The following ARHGAP15 variants were observed in gnomAD, a reference collection of about 807,000 sequenced individuals.
The protein encoded by ARHGAP15 is Rho GTPase activating protein 15.
Under a neutral mutation model 63.7 loss-of-function variants are expected in ARHGAP15, and 51 were observed. The ratio of observed to expected loss-of-function variants is 0.80; its 90% confidence interval spans 0.64 to 1.01. The LOEUF is 1.01. Ranked by LOEUF, ARHGAP15 falls within the 50% of genes least tolerant of loss-of-function variation. The pLI, the probability that ARHGAP15 is intolerant of heterozygous loss-of-function variation, is 0.00. For missense variants in ARHGAP15, 560 were observed against 564.6 expected (o/e 0.99, Z 0.08); for synonymous variants, 191 against 193.8 (o/e 0.99, Z 0.12).
At chr2:143,328,087 G>A (rs1485643885) in intron 6 of ARHGAP15, among the ~76,000 whole-genome samples, 1 of 152,054 alleles carries the variant, frequency 6.6e-6, no homozygotes, top group African/African-American at 2.4e-5. Flanking sequence ...ATTAAGTCAG[G>A]AAACAACAGA....
intron 2 of ARHGAP15, among the ~76,000 whole-genome samples, chr2:143,182,576 G>T (rs765114475): frequency 2.6e-5 from 4 of 152,154 alleles, no homozygotes; most frequent in South Asian, 4.1e-4. Flanking sequence ...CATGAACTTT[G>T]TAGGGGCTTT....
intron 10 of ARHGAP15, among the ~76,000 whole-genome samples, chr2:143,544,980 A>G (rs1490391991): frequency 1.3e-5 from 2 of 152,212 alleles, no homozygotes; most frequent in African/African-American, 4.8e-5. Flanking sequence ...CATGGTTAGG[A>G]GCACCTTCTT....
intron 9 of ARHGAP15, among the ~76,000 whole-genome samples, chr2:143,501,333 A>G (rs2104934018): frequency 6.6e-6 from 1 of 152,352 alleles, no homozygotes; most frequent in South Asian, 2.1e-4. Context: ...TACAATGAGC[A>G]TGTTACAATG....
intron 11 of ARHGAP15, among the ~76,000 whole-genome samples, chr2:143,580,673 T>C (rs1187172694): frequency 2.6e-5 from 4 of 152,132 alleles, no homozygotes; most frequent in Non-Finnish European, 5.9e-5. Flanking sequence ...CTTAAAATAT[T>C]TAATATTTTA....
intron 5 of ARHGAP15, among the ~76,000 whole-genome samples, chr2:143,245,638 G>A (rs1310000330): frequency 8.6e-5 from 13 of 150,986 alleles, no homozygotes; most frequent in African/African-American, 3.2e-4. Context: ...TTTTTTAAAC[G>A]GGTAATGAAC....
intron 11 of ARHGAP15, among the ~76,000 whole-genome samples, chr2:143,560,874 G>A (rs1695992463): frequency 6.6e-6 from 1 of 152,214 alleles, no homozygotes; most frequent in Non-Finnish European, 1.5e-5. Flanking sequence ...GTGCGTTTGT[G>A]AGCAGCGCTC....
At chr2:143,245,515 A>G (rs1694015704) in intron 5 of ARHGAP15, among the ~76,000 whole-genome samples, 1 of 152,218 alleles carries the variant, frequency 6.6e-6, no homozygotes, top group East Asian at 1.9e-4. Flanking sequence ...GAGCAAACAG[A>G]GAACATGAAT....
At chr2:143,746,296 A>T (rs1245160480) in intron 13 of ARHGAP15, among the ~76,000 whole-genome samples, 2 of 152,070 alleles carry the variant, frequency 1.3e-5, no homozygotes, top group Non-Finnish European at 2.9e-5. Flanking sequence ...CCTTTTTCAA[A>T]AAAAAACCCT....
chr2:143,143,443 T>A (rs1558771939), intron 1 of ARHGAP15, among the ~76,000 whole-genome samples: 1 of 151,966 alleles, frequency 6.6e-6, no homozygotes, highest in Non-Finnish European at 1.5e-5. Flanking sequence ...AACTGGCAAA[T>A]ATTTTTTCAC....
At chr2:143,354,789 G>C (rs759121561) in intron 6 of ARHGAP15, among the ~76,000 whole-genome samples, 1 of 152,122 alleles carries the variant, frequency 6.6e-6, no homozygotes, top group Non-Finnish European at 1.5e-5. Flanking sequence ...TAATTTCAAA[G>C]ATTTTGCAGC....
intron 6 of ARHGAP15, among the ~76,000 whole-genome samples, chr2:143,404,351 T>C (rs1688109965): frequency 6.6e-6 from 1 of 151,936 alleles, no homozygotes; most frequent in Non-Finnish European, 1.5e-5. Flanking sequence ...GAAATTTGTA[T>C]TGAAGAAGTA....
At chr2:143,544,615 A>G (rs7571048) in intron 10 of ARHGAP15, among the ~76,000 whole-genome samples, 36,276 of 152,160 alleles carry the variant, frequency 0.24, 4,377 homozygotes, top group East Asian at 0.37. Context: ...TTATGGCTCT[A>G]TAACATCTGG....
chr2:143,423,196 G>A (rs1689001779), intron 6 of ARHGAP15, among the ~76,000 whole-genome samples: 1 of 152,094 alleles, frequency 6.6e-6, no homozygotes. Context: ...AGAAGGCAGT[G>A]GTATGTTGAC....
At chr2:143,642,128 ATATT>A (rs1050136834) in intron 12 of ARHGAP15, among the ~76,000 whole-genome samples, 14 of 152,268 alleles carry the variant, frequency 9.2e-5, no homozygotes, top group African/African-American at 2.2e-4. Flanking sequence ...ATGTTTGTAA[ATATT>A]TATATGTAGA....
At chr2:143,597,152 G>T (rs935127113) in intron 11 of ARHGAP15, among the ~76,000 whole-genome samples, 9 of 151,948 alleles carry the variant, frequency 5.9e-5, no homozygotes, top group African/African-American at 2.2e-4. Context: ...AAGCATAAAT[G>T]ATATGAAGCA....
At chr2:143,653,198 A>G (rs1280731327) in intron 12 of ARHGAP15, among the ~76,000 whole-genome samples, 1 of 152,130 alleles carries the variant, frequency 6.6e-6, no homozygotes, top group East Asian at 1.9e-4. Context: ...TTAAAATGCT[A>G]AATCAAAACT....
intron 13 of ARHGAP15, among the ~76,000 whole-genome samples, chr2:143,735,479 C>T (rs2105494598): frequency 6.6e-6 from 1 of 152,340 alleles, no homozygotes; most frequent in Middle Eastern, 3.4e-3. Flanking sequence ...AAGATGGCAA[C>T]ACCAGAATTG....
chr2:143,178,570 T>C (rs1490518096), intron 2 of ARHGAP15, among the ~76,000 whole-genome samples: 1 of 152,212 alleles, frequency 6.6e-6, no homozygotes, highest in African/African-American at 2.4e-5. Context: ...GGGGTTGTTA[T>C]AAACCTACAA....
intron 6 of ARHGAP15, among the ~76,000 whole-genome samples, chr2:143,281,210 A>C (rs188786257): frequency 6.6e-6 from 1 of 152,146 alleles, no homozygotes; most frequent in East Asian, 1.9e-4. Context: ...ACTCTGCTAC[A>C]CATGTAATGA....
Sources: gnomAD v4.1 joint callset for allele counts (sites outside exome capture counted in the v4.1 genomes callset) on GRCh38, gnomAD v4.1.1 for gene constraint, MANE v1.5 for transcripts, NCBI Gene and HGNC (gene_info 2026-07-23, HGNC 2026-07-21) for gene names.